The following ABCC9 variants were observed in gnomAD, a reference collection of about 807,000 sequenced individuals.
ABCC9 encodes the protein ATP-binding cassette sub-family C member 9.
ABCC9 carries 95 observed loss-of-function variants against 188.3 expected under a neutral mutation model. The observed-to-expected ratio is 0.50, with a 90% CI of 0.43 to 0.60. The LOEUF (loss-of-function observed/expected upper bound fraction) is 0.60, where lower values mean the gene tolerates loss of function less well. Ranked by LOEUF, ABCC9 falls within the 20% of genes least tolerant of loss-of-function variation. ABCC9 has a pLI of 0.00. For synonymous variants in ABCC9, 659 were observed against 652.7 expected, an observed-to-expected ratio of 1.01 and a Z score of -0.15; for missense variants, 1,102 against 1,876.3, an observed-to-expected ratio of 0.59 and a Z score of 7.62.
rs138910218 is a variant in ABCC9, at chr12:21,910,691, A to T, written c.1164+135T>A. The T allele has an allele frequency of 4.8e-4, 372 of 777,022 alleles. 6 individuals are homozygous for T. In the East Asian group the frequency reaches 8.8e-3, roughly 18 times the overall value. The allele number at this position is 777,022 out of a possible 1,614,324, so 48.1% of individuals were successfully genotyped here. A position where few individuals can be genotyped will look rare whatever the true frequency, so the allele number is the denominator to read the frequency against. Reference sequence around the variant, plus strand: ...TAGCTCTGTTTCTTTCATTAAGTAGATTATAGAAACGTTGTTGTTGTAATA... The same window carrying T: ...TAGCTCTGTTTCTTTCATTAAGTAGTTTATAGAAACGTTGTTGTTGTAATA... On this transcript the variant is annotated intron_variant, in intron 9 of 39. Transcript: ENST00000261200.
intron 22 of ABCC9, among the ~76,000 whole-genome samples, chr12:21,856,567 T>C (rs1461502040): frequency 1.3e-5 from 2 of 152,216 alleles, no homozygotes; most frequent in Non-Finnish European, 2.9e-5. Context: ...GCATCAAGGC[T>C]AACATGATAA....
At chr12:21,928,101 C>T (rs560295435) in intron 4 of ABCC9, among the ~76,000 whole-genome samples, 1 of 151,808 alleles carries the variant, frequency 6.6e-6, no homozygotes, top group African/African-American at 2.4e-5. Context: ...ATGCCTGTGA[C>T]CCCAGCTACT....
chr12:21,872,812 A>C, intron 17 of ABCC9, 82 bp from the exon 18 acceptor site: 1 of 1,105,774 alleles, frequency 9.0e-7, no homozygotes, highest in Non-Finnish European at 1.4e-6. Flanking sequence ...AGAAAAAGCT[A>C]ATGTTTTACA....
intron 20 of ABCC9, among the ~76,000 whole-genome samples, chr12:21,862,303 T>G (rs765876569): frequency 1.3e-5 from 2 of 152,110 alleles, no homozygotes; most frequent in Non-Finnish European, 2.9e-5. Flanking sequence ...AACTATCTGG[T>G]CTCAGCCTCC....
Position 21,912,537 on chromosome 12 carries a change from T to C in ABCC9, c.1011+335A>G, listed in dbSNP as rs377275519. Among the ~76,000 whole-genome samples the C allele has an allele frequency of 1.6e-3, 251 of 152,156 alleles. 3 individuals are homozygous for C. The South Asian group carries it at 0.033, about 20-fold the overall frequency. On this transcript the variant is annotated intron_variant, in intron 8 of 39. Coordinates refer to ENST00000261200, the MANE Select transcript of ABCC9 (RefSeq NM_020297.4). The stretch of plus-strand genomic sequence containing the variant: ...AAGTGACTCAGCCACCCATCATGTA[T>C]AAAAATTCTTTAAAGAGTTCCTATA...
At chr12:21,870,494 G>A (rs1946015873) in intron 18 of ABCC9, among the ~76,000 whole-genome samples, 1 of 151,708 alleles carries the variant, frequency 6.6e-6, no homozygotes, top group Non-Finnish European at 1.5e-5. Flanking sequence ...CTGGTTTCAA[G>A]TGATACTCCT....
At chr12:21,906,033 GA>G in intron 12 of ABCC9, 92 bp downstream of exon 12, 1 of 1,396,518 alleles carries the variant, frequency 7.2e-7, no homozygotes, top group East Asian at 2.3e-5. Context: ...TGAAGAACTA[GA>G]ATGTTTCATT....
rs1024254889 is a variant in ABCC9 at position 21,894,338 on chromosome 12, T to C, written c.1660-164A>G. Among the ~76,000 whole-genome samples the C allele has an allele frequency of 2.6e-5, 4 of 152,210 alleles. No homozygotes were observed. In the East Asian group the frequency reaches 7.7e-4, roughly 29 times the overall value. On this transcript the variant is annotated intron_variant, in intron 13 of 39. Coordinates refer to ENST00000261200, the MANE Select transcript of ABCC9 (RefSeq NM_020297.4). ...CCCTAATTAAAACAATACTTGCTTTTGGTAAGTCCTGAAAGGCTTACCTGC... is the reference window on the plus strand; with the variant it reads ...CCCTAATTAAAACAATACTTGCTTTCGGTAAGTCCTGAAAGGCTTACCTGC...
intron 12 of ABCC9, 76 bp downstream of exon 12, chr12:21,906,050 C>A: frequency 6.7e-7 from 1 of 1,493,448 alleles, no homozygotes; most frequent in Non-Finnish European, 9.3e-7. Context: ...TCATTGATCA[C>A]AATCTAAACT....
Position 21,813,216 on chromosome 12 carries a change from A to G in ABCC9, c.4103-1059T>C, listed in dbSNP as rs191109552. On this transcript the variant is annotated intron_variant, in intron 35 of 39. Coordinates refer to ENST00000261200, the MANE Select transcript of ABCC9 (RefSeq NM_020297.4). ...AGTAAATTCTGTGATATGACTATCA[A>G]GTTTTAATAAATTTCTCCATACTGC... Among the ~76,000 whole-genome samples, 7 of 152,308 alleles carry G rather than the reference A, an allele frequency of 4.6e-5. No homozygotes were observed. The East Asian group carries it at 7.7e-4, about 17-fold the overall frequency.
chr12:21,842,970 A>T (rs1275312216), intron 28 of ABCC9, among the ~76,000 whole-genome samples: 2 of 152,232 alleles, frequency 1.3e-5, no homozygotes, highest in Admixed American at 6.5e-5. Context: ...ATGTTTATTT[A>T]AAAAATATTT....
At chr12:21,891,354 C>A (rs1947151740) in intron 14 of ABCC9, among the ~76,000 whole-genome samples, 1 of 151,900 alleles carries the variant, frequency 6.6e-6, no homozygotes, top group African/African-American at 2.4e-5. Flanking sequence ...CTTCTTCGAG[C>A]ATTTTATTAT....
intron 8 of ABCC9, among the ~76,000 whole-genome samples, chr12:21,911,302 A>C (rs1592214352): frequency 6.6e-6 from 1 of 152,096 alleles, no homozygotes; most frequent in Admixed American, 6.6e-5. Context: ...CTAATTTGGA[A>C]GTAGAAGCTA....
intron 15 of ABCC9, among the ~76,000 whole-genome samples, chr12:21,884,168 T>C (rs1283808): frequency 0.64 from 97,479 of 151,208 alleles, 32,847 homozygotes; most frequent in African/African-American, 0.85. Context: ...ACCACCGAGG[T>C]TCAAGTGATC....
At chr12:21,814,978 T>G (rs1328793370) in intron 34 of ABCC9, among the ~76,000 whole-genome samples, 1 of 151,600 alleles carries the variant, frequency 6.6e-6, no homozygotes, top group Non-Finnish European at 1.5e-5. Context: ...AGGCCAGGAG[T>G]TTGAGACCAG....
chr12:21,824,666 A>G (rs1054899097), intron 31 of ABCC9, among the ~76,000 whole-genome samples: 1 of 152,142 alleles, frequency 6.6e-6, no homozygotes, highest in Non-Finnish European at 1.5e-5. Context: ...CCTCAATTTC[A>G]GAACTTGTTA....
Position 21,916,858 on chromosome 12 carries a change from A to G in ABCC9, c.573+79T>C. ...ACATGTGTTCATCCTTGTCAATACT[A>G]ATGATTTCTAGCTAACTGTAATCTT... On this transcript the variant is annotated intron_variant, in intron 6 of 39. Coordinates refer to ENST00000261200, the MANE Select transcript of ABCC9 (RefSeq NM_020297.4). 3.8e-6 allele frequency: 5 copies of G among 1,328,900 alleles called. No homozygotes were observed. The South Asian group carries it at 6.1e-5, about 16-fold the overall frequency. 82.3% of individuals were successfully genotyped at this position (1,328,900 alleles called of 1,614,324 possible). A position where few individuals can be genotyped will look rare whatever the true frequency, so the allele number is the denominator to read the frequency against.
At chr12:21,932,068 A>G (rs1274253323) in intron 4 of ABCC9, among the ~76,000 whole-genome samples, 2 of 152,134 alleles carry the variant, frequency 1.3e-5, no homozygotes, top group Non-Finnish European at 2.9e-5. Flanking sequence ...AGACTTTCCT[A>G]TCAAAAAATT....
intron 5 of ABCC9, chr12:21,923,579 T>G: frequency 2.4e-6 from 1 of 424,156 alleles, no homozygotes; most frequent in Non-Finnish European, 4.2e-6. Flanking sequence ...AACCGCAATG[T>G]ATTACCAGTA....
Sources: allele counts gnomAD v4.1 joint callset (sites outside exome capture counted in the v4.1 genomes callset), GRCh38; gene constraint gnomAD v4.1.1; transcripts MANE v1.5; gene names NCBI Gene and HGNC (gene_info 2026-07-23, HGNC 2026-07-21).